RALYL: variants seen among roughly 807,000 people sequenced by gnomAD.
RALYL encodes RALY RNA binding protein like.
A neutral mutation model predicts 35.1 loss-of-function variants in RALYL; 29 were observed. That is an observed-to-expected ratio of 0.83 (90% confidence interval 0.61 to 1.13). The LOEUF (loss-of-function observed/expected upper bound fraction) is 1.13, where lower values mean the gene tolerates loss of function less well. RALYL is among the 50% of genes most tolerant of loss of function. The pLI is 0.00. For missense variants in RALYL, 359 were observed against 360.4 expected, an observed-to-expected ratio of 1.00 and a Z score of 0.03; for synonymous variants, 120 against 127.6, an observed-to-expected ratio of 0.94 and a Z score of 0.40.
chr8:84,595,645 A>G (rs1564204445), intron 2 of RALYL, among the ~76,000 whole-genome samples: 1 of 152,172 alleles, frequency 6.6e-6, no homozygotes, highest in Non-Finnish European at 1.5e-5. Flanking sequence ...GAGGCCCTCT[A>G]CAAATAGGTC....
At chr8:84,610,862 G>A (rs1426658900) in intron 2 of RALYL, among the ~76,000 whole-genome samples, 1 of 152,050 alleles carries the variant, frequency 6.6e-6, no homozygotes, top group East Asian at 1.9e-4. Context: ...ACGTCTCTCC[G>A]TCAATGTACA....
rs185782237 is a variant in RALYL at position 84,711,073 on chromosome 8, T to C, written c.257-63506T>C. Among the ~76,000 whole-genome samples, 824 of 152,158 alleles carry C rather than the reference T, an allele frequency of 5.4e-3. 5 individuals carry two copies. The highest frequency in any genetic ancestry group is 0.013 in the Admixed American group (204 of 15,252). On this transcript the variant is annotated intron_variant, in intron 2 of 8. Coordinates refer to ENST00000521268, the MANE Select transcript of RALYL (RefSeq NM_173848.7). ...CAGACACCCTAAAGAAGGAGGAAAT[T>C]GGTTCAGTTTCTCTCTGGATAGTTA...
intron 1 of RALYL, among the ~76,000 whole-genome samples, chr8:84,470,810 T>A (rs1420789319): frequency 6.6e-6 from 1 of 152,236 alleles, no homozygotes; most frequent in Non-Finnish European, 1.5e-5. Context: ...ACTCATAGTA[T>A]ATAATTATAT....
chr8:84,374,358 CTTA>C (rs1856513583), intron 1 of RALYL, among the ~76,000 whole-genome samples: 1 of 151,880 alleles, frequency 6.6e-6, no homozygotes, highest in Non-Finnish European at 1.5e-5. Context: ...ATAGGTACCT[CTTA>C]TTATTTTGAA....
intron 2 of RALYL, among the ~76,000 whole-genome samples, chr8:84,769,996 C>A (rs1182648599): frequency 3.3e-5 from 5 of 152,044 alleles, no homozygotes; most frequent in Admixed American, 3.3e-4. Context: ...TTTTCTACTC[C>A]TTTAGAGGTA....
At chr8:84,712,576 G>A (rs918306010) in intron 2 of RALYL, among the ~76,000 whole-genome samples, 2 of 152,070 alleles carry the variant, frequency 1.3e-5, no homozygotes, top group African/African-American at 2.4e-5. Flanking sequence ...TTTCTCTCCT[G>A]TACTTTCAGA....
At chr8:84,334,840 T>A (rs186885590) in intron 1 of RALYL, among the ~76,000 whole-genome samples, 83 of 152,256 alleles carry the variant, frequency 5.5e-4, no homozygotes, top group African/African-American at 1.8e-3. Flanking sequence ...ATTAGCACAA[T>A]CTCTAGTCCA....
At chr8:84,454,387 A>C (rs140542578) in intron 1 of RALYL, among the ~76,000 whole-genome samples, 2,438 of 151,968 alleles carry the variant, frequency 0.016, 63 homozygotes, top group African/African-American at 0.055. Context: ...ACATACATGC[A>C]CACTGCTATA....
intron 2 of RALYL, among the ~76,000 whole-genome samples, chr8:84,534,501 C>T (rs547616612): frequency 9.9e-5 from 15 of 152,128 alleles, no homozygotes; most frequent in South Asian, 6.2e-4. Context: ...TTTTAGGGCA[C>T]GGAATATATA....
Position 84,303,317 on chromosome 8 carries a change from T to C in RALYL, c.-24+118893T>C, listed in dbSNP as rs549012838. ...GTTATTTACCTTGTTTAAAAATAAA[T>C]TGATGTGAGTTAAAATTTAGTAATG... On this transcript the variant is annotated intron_variant, in intron 1 of 8. Coordinates refer to ENST00000521268, the MANE Select transcript of RALYL (RefSeq NM_173848.7). 4.6e-5 allele frequency among the ~76,000 whole-genome samples: 7 copies of C among 152,302 alleles called. No individual in the cohort carries two copies. In the South Asian group the frequency reaches 1.4e-3, roughly 32 times the overall value.
chr8:84,712,847 A>G (rs1842409634), intron 2 of RALYL, among the ~76,000 whole-genome samples: 1 of 152,180 alleles, frequency 6.6e-6, no homozygotes, highest in Non-Finnish European at 1.5e-5. Flanking sequence ...TGTTAAATGA[A>G]GATATTAGTC....
intron 1 of RALYL, among the ~76,000 whole-genome samples, chr8:84,431,483 G>T: frequency 6.6e-6 from 1 of 152,052 alleles, no homozygotes; most frequent in East Asian, 1.9e-4. Context: ...ATCAAAAAAT[G>T]AAACAAAAGA....
At chr8:84,331,656 A>G (rs576989194) in intron 1 of RALYL, among the ~76,000 whole-genome samples, 79 of 152,222 alleles carry the variant, frequency 5.2e-4, no homozygotes, top group Admixed American at 1.6e-3. Context: ...GTCTATATAA[A>G]TTAGTTTTTT....
chr8:84,827,820 C>A (rs942653423), intron 4 of RALYL, among the ~76,000 whole-genome samples: 1 of 152,002 alleles, frequency 6.6e-6, no homozygotes, highest in Non-Finnish European at 1.5e-5. Flanking sequence ...CCCAATTTTA[C>A]CGTTAAAAAG....
At chr8:84,358,353 C>T (rs73294940) in intron 1 of RALYL, among the ~76,000 whole-genome samples, 1,814 of 151,826 alleles carry the variant, frequency 0.012, 37 homozygotes, top group African/African-American at 0.034. Flanking sequence ...TAGAGAGTTC[C>T]CCAGAACTCT....
chr8:84,578,720 G>A (rs538719825), intron 2 of RALYL, among the ~76,000 whole-genome samples: 1 of 152,288 alleles, frequency 6.6e-6, no homozygotes, highest in African/African-American at 2.4e-5. Context: ...AACCACAGTG[G>A]GTAGCTCCTT....
chr8:84,886,937 T>C (rs921004914), intron 7 of RALYL, among the ~76,000 whole-genome samples: 17 of 152,186 alleles, frequency 1.1e-4, no homozygotes, highest in African/African-American at 3.6e-4. Context: ...TCATTTCCAC[T>C]TTGCACAGCA....
chr8:84,290,562 T>C (rs1185529952), intron 1 of RALYL, among the ~76,000 whole-genome samples: 1 of 152,148 alleles, frequency 6.6e-6, no homozygotes, highest in African/African-American at 2.4e-5. Context: ...AAAAGGACTT[T>C]CACAAGGTAA....
chr8:84,814,639 G>C lies in RALYL; in HGVS notation c.365+9837G>C, dbSNP rs370370588. 5.9e-5 allele frequency among the ~76,000 whole-genome samples: 9 copies of C among 152,204 alleles called. No homozygotes were observed. The South Asian group carries it at 8.3e-4, about 14-fold the overall frequency. ...GAATATTGCAGTGGAAAAAAAAACT[G>C]TCAAAGAAAGTTACAAGAAGTTATT... On this transcript the variant is annotated intron_variant, in intron 4 of 8. Transcript: ENST00000521268.
Sources: gnomAD v4.1 joint callset for allele counts (sites outside exome capture counted in the v4.1 genomes callset) on GRCh38, gnomAD v4.1.1 for gene constraint, MANE v1.5 for transcripts, NCBI Gene and HGNC (gene_info 2026-07-23, HGNC 2026-07-21) for gene names.